Variants in THRAP3 observed in about 807,000 individuals in gnomAD.
THRAP3 encodes thyroid hormone receptor-associated protein 3.
A neutral mutation model predicts 101.0 loss-of-function variants in THRAP3; 16 were observed. That is an observed-to-expected ratio of 0.16 (90% CI 0.11 to 0.24). The LOEUF is 0.24. THRAP3 is among the 10% of genes least tolerant of loss of function. THRAP3 has a pLI of 1.00. For missense variants in THRAP3, 989 were observed against 1,202.7 expected (o/e 0.82, Z 2.63); for synonymous variants, 407 against 422.6 (o/e 0.96, Z 0.45).
At chr1:36,292,260 G>GTTT (rs1553124853) in intron 6 of THRAP3, among the ~76,000 whole-genome samples, 5 of 13,110 alleles carry the variant, frequency 3.8e-4, no homozygotes, top group African/African-American at 5.2e-4. Flanking sequence ...GTGTTTCTTT[G>GTTT]TTTCTTTTTT....
chr1:36,249,098 G>C (rs1402415314), intron 1 of THRAP3, among the ~76,000 whole-genome samples: 1 of 151,894 alleles, frequency 6.6e-6, no homozygotes, highest in African/African-American at 2.4e-5. Context: ...ATGTTAGCCA[G>C]GCTGGTCTCA....
chr1:36,295,328 T>C (rs1645931818), intron 8 of THRAP3, among the ~76,000 whole-genome samples: 1 of 152,158 alleles, frequency 6.6e-6, no homozygotes, highest in Non-Finnish European at 1.5e-5. Context: ...ATGTAAACTA[T>C]TAATGCAGAA....
At chr1:36,223,145 T>TAAAA (rs1557798697), upstream of THRAP3, among the ~76,000 whole-genome samples, 6 of 151,844 alleles carry the variant, frequency 4.0e-5, no homozygotes, top group South Asian at 8.4e-4. Context: ...AATAAATAAA[T>TAAAA]AAAAATAAAA....
chr1:36,301,094 T>A lies in THRAP3; in HGVS notation c.2502+10T>A. On this transcript the variant is annotated intron_variant, in intron 10 of 11. Coordinates refer to ENST00000354618, the MANE Select transcript of THRAP3 (RefSeq NM_005119.4). ...AGCTCGAGGAACCTTTGTAAGACCT[T>A]CCCCTCTCCCCCTTTCTCTGAGACC... The A allele has an allele frequency of 1.2e-6, 2 of 1,612,546 alleles. No individual in the cohort carries two copies. The highest frequency in any genetic ancestry group is 2.2e-5 in the South Asian group (2 of 90,910).
intron 1 of THRAP3, among the ~76,000 whole-genome samples, chr1:36,229,125 C>G (rs373771263): frequency 4.4e-4 from 67 of 152,038 alleles, no homozygotes; most frequent in African/African-American, 1.6e-3. Flanking sequence ...TGAGATGGAG[C>G]CTCGCTCTGT....
Position 36,286,718 on chromosome 1 carries a change from C to T in THRAP3, c.488C>T (p.Ser163Phe), listed in dbSNP as rs775210772. 1 of 1,614,220 alleles carries T rather than the reference C, an allele frequency of 6.2e-7. No homozygotes were observed. The highest frequency in any genetic ancestry group is 8.5e-7 in the Non-Finnish European group (1 of 1,180,030). Residue 163 changes from serine (S) to phenylalanine (F), a missense_variant, in exon 4 of 12, where the codon TCC becomes TTC. Ser to Phe is a radical substitution (Grantham distance 155). Coordinates refer to ENST00000354618, the MANE Select transcript of THRAP3 (RefSeq NM_005119.4). This position sits in a 1 kb window ranked among gnomAD's most constrained non-coding sequence, Gnocchi z 5.5. ...RSRRSSSSRSSSNHSRVESSK... is the reference protein window; with the variant it reads ...RSRRSSSSRSFSNHSRVESSK... Reference sequence around the variant, plus strand: ...AGGCGCTCCTCATCCTCCCGTTCTTCCTCCAACCATAGCCGAGTTGAATCT... The same window carrying T: ...AGGCGCTCCTCATCCTCCCGTTCTTTCTCCAACCATAGCCGAGTTGAATCT...
intron 9 of THRAP3, among the ~76,000 whole-genome samples, chr1:36,297,255 C>T (rs1645964809): frequency 6.6e-6 from 1 of 152,108 alleles, no homozygotes; most frequent in Admixed American, 6.6e-5. Context: ...TCCAGGTACT[C>T]CTTAAACAAA....
At chr1:36,248,179 C>A (rs115003994) in intron 1 of THRAP3, among the ~76,000 whole-genome samples, 1 of 152,058 alleles carries the variant, frequency 6.6e-6, no homozygotes, top group African/African-American at 2.4e-5. Context: ...GGTGCCCAGC[C>A]TCCTTCATCT....
At chr1:36,247,126 G>A (rs1645240909) in intron 1 of THRAP3, among the ~76,000 whole-genome samples, 1 of 151,930 alleles carries the variant, frequency 6.6e-6, no homozygotes, top group Non-Finnish European at 1.5e-5. Context: ...AGACCAGCCT[G>A]GTCAACATGG....
chr1:36,244,452 G>C (rs992276684), intron 1 of THRAP3, among the ~76,000 whole-genome samples: 2 of 152,108 alleles, frequency 1.3e-5, no homozygotes, highest in Non-Finnish European at 2.9e-5. Flanking sequence ...ATCCAAAACT[G>C]AATTAAAAAT....
At chr1:36,234,807 C>CTTT (rs35278020) in intron 1 of THRAP3, among the ~76,000 whole-genome samples, 273 of 72,468 alleles carry the variant, frequency 3.8e-3, no homozygotes, top group Non-Finnish European at 4.8e-3. Context: ...CTGTTTCAGT[C>CTTT]TTTTTTTTTT....
At chr1:36,301,407 G>T in intron 10 of THRAP3, 146 bp from the exon 11 acceptor site, 1 of 1,084,650 alleles carries the variant, frequency 9.2e-7, no homozygotes. Context: ...AGCAGAAAGG[G>T]AATGGCTGGA....
intron 1 of THRAP3, among the ~76,000 whole-genome samples, chr1:36,235,991 G>A (rs534959770): frequency 1.0e-3 from 153 of 152,092 alleles, no homozygotes; most frequent in African/African-American, 3.6e-3. Flanking sequence ...GCTCCCACCT[G>A]TAATCCCAGG....
At position 36,282,714 on chromosome 1, in the gene THRAP3, A is replaced by C; in HGVS notation, c.137+14A>C. On this transcript the variant is annotated intron_variant, in intron 3 of 11. Coordinates refer to ENST00000354618, the MANE Select transcript of THRAP3 (RefSeq NM_005119.4). ...GCGCAGGCTGAGGTAAGGGGGTGTG[A>C]CTTTGTATATTGAGATAATCATTGC... is the stretch of plus-strand genomic sequence containing the variant. 2.5e-6 allele frequency: 4 copies of C among 1,613,868 alleles called. No homozygotes were observed. Among genetic ancestry groups the C allele is most frequent in the Non-Finnish European group, 3.4e-6 (4 of 1,179,866 alleles).
chr1:36,296,527 G>A lies in THRAP3; in HGVS notation c.2116-56G>A. 3 of 1,430,606 alleles carry A rather than the reference G, an allele frequency of 2.1e-6. No individual in the cohort carries two copies. In the South Asian group the frequency reaches 4.3e-5, roughly 21 times the overall value. The allele number at this position is 1,430,606 out of a possible 1,614,324, so 88.6% of individuals were successfully genotyped here. A position where few individuals can be genotyped will look rare whatever the true frequency, so the allele number is the denominator to read the frequency against. ...AGTAAAAACCACAGTTTGTGGGATGGTTGAGTTGACAGCTCTGAATCCCAG... is the reference window on the plus strand; with the variant it reads ...AGTAAAAACCACAGTTTGTGGGATGATTGAGTTGACAGCTCTGAATCCCAG... On this transcript the variant is annotated intron_variant, in intron 8 of 11. Transcript: ENST00000354618.
chr1:36,280,713 A>G (rs139450427), intron 2 of THRAP3, among the ~76,000 whole-genome samples: 125 of 152,310 alleles, frequency 8.2e-4, no homozygotes, highest in Admixed American at 1.8e-3. Context: ...TGTCTTTGAT[A>G]GACATGTACT....
At chr1:36,243,151 CTTTTTTT>C (rs58340320) in intron 1 of THRAP3, among the ~76,000 whole-genome samples, 31 of 60,868 alleles carry the variant, frequency 5.1e-4, no homozygotes, top group South Asian at 1.8e-3. Context: ...GAGGAACTTT[CTTTTTTT>C]TTTTTTTTTT....
chr1:36,231,928 T>A (rs1454280450), intron 1 of THRAP3, among the ~76,000 whole-genome samples: 1 of 152,120 alleles, frequency 6.6e-6, no homozygotes, highest in African/African-American at 2.4e-5. Flanking sequence ...AGAAAAAGAT[T>A]TAGTGGCTGG....
At chr1:36,299,757 C>T (rs978132569) in intron 9 of THRAP3, among the ~76,000 whole-genome samples, 3 of 152,130 alleles carry the variant, frequency 2.0e-5, no homozygotes, top group African/African-American at 4.8e-5. Flanking sequence ...GATCCAGCCG[C>T]CTTGGCCTCC....
Sources: gnomAD v4.1 joint callset for allele counts (sites outside exome capture counted in the v4.1 genomes callset) on GRCh38, gnomAD v4.1.1 for gene constraint, Gnocchi (gnomAD v3.1) non-coding constraint, MANE v1.5 for transcripts, NCBI Gene and HGNC (gene_info 2026-07-23, HGNC 2026-07-21) for gene names.